SUPT5H: variants seen among roughly 807,000 people sequenced by gnomAD.
SUPT5H encodes SPT5 homolog, DSIF elongation factor subunit, also known as transcription elongation factor SPT5.
In SUPT5H, 24 loss-of-function variants were observed where a neutral mutation model predicts 142.5. The observed-to-expected ratio is 0.17, with a 90% CI of 0.12 to 0.24. The LOEUF is 0.24. Ranked by LOEUF, SUPT5H falls within the 10% of genes least tolerant of loss-of-function variation. The probability of loss-of-function intolerance (pLI) is 1.00; values close to 1 mark genes in which losing one functional copy is unlikely to be tolerated. For missense variants in SUPT5H, 893 were observed against 1,471.8 expected (o/e 0.61, Z 6.43); for synonymous variants, 546 against 553.0 (o/e 0.99, Z 0.18).
chr19:39,448,511 C>T (rs1173024546), intron 2 of SUPT5H, among the ~76,000 whole-genome samples: 2 of 152,100 alleles, frequency 1.3e-5, no homozygotes, highest in Non-Finnish European at 2.9e-5. Flanking sequence ...GGGACATTCT[C>T]GTTTGCACTG....
chr19:39,474,098 G>A lies in SUPT5H; in HGVS notation c.2628G>A (p.Pro876=), dbSNP rs375461912. 1.0e-4 allele frequency: 162 copies of A among 1,600,930 alleles called. No individual in the cohort carries two copies. The highest frequency in any genetic ancestry group is 1.7e-4 in the Middle Eastern group (1 of 6,020). Residue 876 remains proline, a synonymous_variant, in exon 26 of 30, where the codon CCG becomes CCA. Transcript: ENST00000432763. The surrounding 1 kb of genome is among the most constrained non-coding windows in gnomAD (Gnocchi z 6.5). The part of the protein sequence containing the change: ...SSPQVNPQYN[P]QTPGTPAMYN... ...CACAGGTCAACCCACAATACAACCC[G>A]CAGACGCCAGGGACGCCGGCCATGT...
intron 2 of SUPT5H, 142 bp downstream of exon 2, chr19:39,446,107 G>A: frequency 2.1e-6 from 2 of 971,026 alleles, no homozygotes; most frequent in South Asian, 2.9e-5. Flanking sequence ...TAGAGAATTA[G>A]GCAAGTCGAA....
chr19:39,467,671 C>T (rs2079261191), intron 13 of SUPT5H: 1 of 152,238 alleles, frequency 6.6e-6, no homozygotes, highest in Non-Finnish European at 1.5e-5. Flanking sequence ...TTCAACATCC[C>T]AGGGCCAACT....
Position 39,471,608 on chromosome 19 carries a change from C to G in SUPT5H, c.1828C>G (p.Arg610Gly), listed in dbSNP as rs756829280. 1 of 1,614,158 alleles carries G rather than the reference C, an allele frequency of 6.2e-7. No homozygotes were observed. Among genetic ancestry groups the G allele is most frequent in the East Asian group, 2.2e-5 (1 of 44,884 alleles). The change falls in exon 20 of 30, where the codon CGA becomes GGA. Residue 610 changes from arginine to glycine, a missense_variant. Around this residue, in one of 6 missense-constraint regions of SUPT5H, gnomAD observed 428 missense variants for 763.5 expected, o/e 0.56. Transcript: ENST00000432763. ...TGACCCTTCTCTCCCCGGCTAGGGC[C>G]GAGAAGGGGAGATTCGCCATCTCTT... ...VKVIDGPHSG[R>G]EGEIRHLFRS...
rs368335293 is a variant in SUPT5H at position 39,459,101 on chromosome 19, G to T, written c.458+28G>T. The T allele has an allele frequency of 2.5e-6, 4 of 1,613,650 alleles. No individual in the cohort carries two copies. In the African/African-American group the frequency reaches 4.0e-5, roughly 16 times the overall value. ...AAGGGCATGGTGGGGGCAGGTGGGG[G>T]CAGGGAGCAGGTGGTCCCTAAGCGG... On this transcript the variant is annotated intron_variant, in intron 7 of 29. Transcript: ENST00000432763.
At chr19:39,452,669 C>T (rs570237438) in intron 2 of SUPT5H, among the ~76,000 whole-genome samples, 1 of 152,094 alleles carries the variant, frequency 6.6e-6, no homozygotes, top group African/African-American at 2.4e-5. Flanking sequence ...ACAGAGATGT[C>T]CACCACCGCC....
In SUPT5H at chr19:39,476,207, G is replaced by A. The variant is rs114208432; in HGVS notation, c.3120+31G>A. On this transcript the variant is annotated intron_variant, in intron 29 of 29. Transcript: ENST00000432763. The stretch of plus-strand genomic sequence containing the variant: ...GGCAGGGGGCAAGGAGATAAGATGG[G>A]GCCGTTGGGTGCTGACATGGACCCT... 1.4e-4 allele frequency: 230 copies of A among 1,614,058 alleles called. 1 individual carries two copies. In the African/African-American group the frequency reaches 2.9e-3, roughly 20 times the overall value.
Position 39,458,109 on chromosome 19 carries a change from C to T in SUPT5H, c.308-185C>T. The T allele has an allele frequency of 9.3e-7, 1 of 1,071,862 alleles. No homozygotes were observed. The highest frequency in any genetic ancestry group is 1.6e-5 in the South Asian group (1 of 62,370). The allele number at this position is 1,071,862 out of a possible 1,614,324, so 66.4% of individuals were successfully genotyped here. On this transcript the variant is annotated intron_variant, in intron 4 of 29. Transcript: ENST00000432763. This position sits in a 1 kb window ranked among gnomAD's most constrained non-coding sequence, Gnocchi z 4.2. ...CGCCTCATACATTTCGGCTTCTCCCCAACCACCTGGTGCCTGGCCTTTACT... is the reference window on the plus strand; with the variant it reads ...CGCCTCATACATTTCGGCTTCTCCCTAACCACCTGGTGCCTGGCCTTTACT...
At chr19:39,471,551 G>C in intron 19 of SUPT5H, 48 bp downstream of exon 19, 1 of 1,613,862 alleles carries the variant, frequency 6.2e-7, no homozygotes, top group Non-Finnish European at 8.5e-7. Context: ...GAATTTGGTT[G>C]GTTGGGGGTG....
In SUPT5H at chr19:39,458,442, C is replaced by A. The variant is rs2079120255; in HGVS notation, c.319+137C>A. The A allele has an allele frequency of 2.7e-6, 4 of 1,480,008 alleles. No homozygotes were observed. In the South Asian group the frequency reaches 5.1e-5, roughly 19 times the overall value. 91.7% of individuals were successfully genotyped at this position (1,480,008 alleles called of 1,614,324 possible). On this transcript the variant is annotated intron_variant, in intron 5 of 29. Transcript: ENST00000432763. This position sits in a 1 kb window ranked among gnomAD's most constrained non-coding sequence, Gnocchi z 4.2. ...CTGAGGGCTCTGACCCATGTAGGATCCAGAGTCAGGGAGTTCTGGGGCCAG... is the reference window on the plus strand; with the variant it reads ...CTGAGGGCTCTGACCCATGTAGGATACAGAGTCAGGGAGTTCTGGGGCCAG...
intron 14 of SUPT5H, 104 bp downstream of exon 14, chr19:39,468,965 T>C: frequency 6.5e-7 from 1 of 1,532,374 alleles, no homozygotes; most frequent in Non-Finnish European, 9.0e-7. Context: ...CTCCTCAAGT[T>C]AGGAGTGTTC....
chr19:39,476,185 AG>A lies in SUPT5H; in HGVS notation c.3120+14del. 3 of 1,614,074 alleles carry A rather than the reference AG, an allele frequency of 1.9e-6. No homozygotes were observed. The highest frequency in any genetic ancestry group is 2.2e-5 in the South Asian group (2 of 91,068). Reference sequence around the variant, plus strand: ...CCACCAAGAACAACAAGGTAAGGGCAGGGGGCAAGGAGATAAGATGGGGCCG... The same window carrying A: ...CCACCAAGAACAACAAGGTAAGGGCAGGGGCAAGGAGATAAGATGGGGCCG... On this transcript the variant is annotated intron_variant, in intron 29 of 29. Coordinates refer to ENST00000432763, the MANE Select transcript of SUPT5H (RefSeq NM_001111020.3).
intron 2 of SUPT5H, 31 bp downstream of exon 2, chr19:39,445,996 G>GC: frequency 6.2e-7 from 1 of 1,602,786 alleles, no homozygotes; most frequent in South Asian, 1.1e-5. Flanking sequence ...GGGAGACATT[G>GC]CGTCTGGGGA....
chr19:39,462,491 C>T (rs12974101), intron 10 of SUPT5H, among the ~76,000 whole-genome samples: 1 of 151,898 alleles, frequency 6.6e-6, no homozygotes, highest in Non-Finnish European at 1.5e-5. Flanking sequence ...TTAATGTTTT[C>T]AAGACTCATC....
At chr19:39,471,807 A>C in intron 20 of SUPT5H, 77 bp downstream of exon 20, 1 of 1,535,278 alleles carries the variant, frequency 6.5e-7, no homozygotes, top group Non-Finnish European at 8.7e-7. Context: ...CCCAGAAGTG[A>C]TAAGATTGGG....
At chr19:39,471,218 C>T (rs540622223) in intron 18 of SUPT5H, 139 bp from the exon 19 acceptor site, 20 of 1,037,622 alleles carry the variant, frequency 1.9e-5, no homozygotes, top group South Asian at 7.9e-5. Flanking sequence ...CTGCCTGCCC[C>T]GCAGCCAGGG....
rs1036372282 is a variant in SUPT5H at position 39,458,995 on chromosome 19, C to T, written c.390-10C>T. On this transcript the variant is annotated splice_polypyrimidine_tract_variant and intron_variant, in intron 6 of 29. Coordinates refer to ENST00000432763, the MANE Select transcript of SUPT5H (RefSeq NM_001111020.3). This position sits in a 1 kb window ranked among gnomAD's most constrained non-coding sequence, Gnocchi z 4.2. ...TTCAATTCGTGTTTGCTTCCCCACT[C>T]GTGCTCCAGGGACCAGCGAGAAGAA... 2.8e-5 allele frequency: 45 copies of T among 1,613,934 alleles called. 1 individual carries two copies. Among genetic ancestry groups the T allele is most frequent in the South Asian group, 4.4e-5 (4 of 91,076 alleles).
chr19:39,456,019 C>T (rs1292498004), intron 3 of SUPT5H, among the ~76,000 whole-genome samples: 12 of 137,546 alleles, frequency 8.7e-5, no homozygotes, highest in Admixed American at 4.4e-4. Flanking sequence ...CTCTGCCTCC[C>T]GGATTCAAGG....
rs762366906 is a variant in SUPT5H at position 39,472,784 on chromosome 19, C to T, written c.2036-26C>T. 3.1e-6 allele frequency: 5 copies of T among 1,602,282 alleles called. No homozygotes were observed. The Admixed American group carries it at 8.5e-5, about 27-fold the overall frequency. On this transcript the variant is annotated intron_variant, in intron 21 of 29. Coordinates refer to ENST00000432763, the MANE Select transcript of SUPT5H (RefSeq NM_001111020.3). The surrounding 1 kb of genome is among the most constrained non-coding windows in gnomAD (Gnocchi z 4.2). ...TTGCTGTGGGCACAGCCGTGGGGGA[C>T]CAGTGACATTCTCCCCAATCCCCAG... is the stretch of plus-strand genomic sequence containing the variant.
Sources: gnomAD v4.1 joint callset for allele counts (sites outside exome capture counted in the v4.1 genomes callset) on GRCh38, gnomAD v4.1.1 for gene constraint, gnomAD v4.1.1 regional missense constraint, Gnocchi (gnomAD v3.1) non-coding constraint, MANE v1.5 for transcripts, NCBI Gene and HGNC (gene_info 2026-07-23, HGNC 2026-07-21) for gene names.